The following FHL2 variants were observed in gnomAD, a reference collection of about 807,000 sequenced individuals.
FHL2 encodes the protein four and a half LIM domains protein 2.
In FHL2, 20 loss-of-function variants were observed where a neutral mutation model predicts 32.7. That is an observed-to-expected ratio of 0.61 (90% CI 0.43 to 0.89). The LOEUF is 0.89. Ranked by LOEUF, FHL2 falls within the 40% of genes least tolerant of loss-of-function variation. The pLI is 0.00. For missense variants in FHL2, 311 were observed against 358.6 expected (o/e 0.87, Z 1.07); for synonymous variants, 123 against 128.1 (o/e 0.96, Z 0.27).
chr2:105,437,066 T>C (rs982515045), intron 1 of FHL2, among the ~76,000 whole-genome samples: 1 of 152,136 alleles, frequency 6.6e-6, no homozygotes, highest in African/African-American at 2.4e-5. Flanking sequence ...AAGCCCTGAA[T>C]AGAACAATGA....
Position 105,367,610 on chromosome 2 carries a change from T to A in FHL2, c.461A>T (p.Tyr154Phe). ...KDNQNFCVPC[Y>F]EKQHAMQCVQ... is the part of the protein sequence containing the mutation. ...GCACTGCATGGCATGTTGTTTCTCA[T>A]AGCAGGGCACACAGAAATTCTGATT... is the stretch of plus-strand genomic sequence containing the variant. The change falls in exon 5 of 7, where the codon TAT becomes TTT. Residue 154 changes from tyrosine to phenylalanine, a missense_variant. By Grantham distance (22) the Tyr-to-Phe change is conservative. Transcript: ENST00000530340. 1 of 1,614,210 alleles carries A rather than the reference T, an allele frequency of 6.2e-7. No individual in the cohort carries two copies. The highest frequency in any genetic ancestry group is 8.5e-7 in the Non-Finnish European group (1 of 1,180,000).
Position 105,410,439 on chromosome 2 carries a change from G to A in FHL2, c.-24-23899C>T, listed in dbSNP as rs148706935. On this transcript the variant is annotated intron_variant, in intron 1 of 5. Coordinates refer to the FHL2 transcript ENST00000393352. ...GAGGTGAGAGTTAAACTGAATGTGA[G>A]CCTGTGTCAGGGGCCATGACCCATT... 3.1e-3 allele frequency among the ~76,000 whole-genome samples: 468 copies of A among 152,258 alleles called. 3 individuals carry two copies. The highest frequency in any genetic ancestry group is 0.01 in the African/African-American group (436 of 41,540).
At chr2:105,374,452 T>C (rs1681321611) in intron 3 of FHL2, 1 of 152,870 alleles carries the variant, frequency 6.5e-6, no homozygotes. Context: ...AGAGATTCCA[T>C]TGATCCTGAA....
chr2:105,412,770 G>A (rs1310324014), intron 1 of FHL2, among the ~76,000 whole-genome samples: 1 of 152,200 alleles, frequency 6.6e-6, no homozygotes, highest in Non-Finnish European at 1.5e-5. Context: ...AGTGAAGCCA[G>A]TGACTGACAC....
At chr2:105,411,554 T>G (rs1046143503) in intron 1 of FHL2, among the ~76,000 whole-genome samples, 13 of 148,794 alleles carry the variant, frequency 8.7e-5, no homozygotes, top group African/African-American at 2.2e-4. Context: ...TTTTTTTTTT[T>G]TTTTTTTTTT....
At chr2:105,366,060 C>A (rs968536286) in intron 5 of FHL2, among the ~76,000 whole-genome samples, 3 of 150,686 alleles carry the variant, frequency 2.0e-5, no homozygotes, top group Non-Finnish European at 3.0e-5. Flanking sequence ...ACAAAAAAAA[C>A]CGGCTGGGCA....
At chr2:105,381,267 T>C (rs993675679) in intron 3 of FHL2, among the ~76,000 whole-genome samples, 2 of 152,074 alleles carry the variant, frequency 1.3e-5, no homozygotes, top group Admixed American at 6.6e-5. Flanking sequence ...TTCTTTCAAA[T>C]CCTTACAAAT....
Position 105,398,917 on chromosome 2 carries a change from G to A in FHL2, c.-151C>T, listed in dbSNP as rs2104635588. On this transcript the variant is annotated 5_prime_UTR_variant, in exon 1 of 7. Coordinates refer to ENST00000530340, the MANE Select transcript of FHL2 (RefSeq NM_001318895.3). The stretch of plus-strand genomic sequence containing the variant: ...ATTCGGCCCCCACTTCCGAGCCCTG[G>A]TGGCTAAGCCCCTCGGCCTCCCTCC... 6.5e-7 allele frequency: 1 copy of A among 1,539,884 alleles called. No individual in the cohort carries two copies. Among genetic ancestry groups the A allele is most frequent in the East Asian group, 2.7e-5 (1 of 37,448 alleles).
intron 1 of FHL2, among the ~76,000 whole-genome samples, chr2:105,432,780 T>G (rs1684477687): frequency 6.6e-6 from 1 of 152,198 alleles, no homozygotes; most frequent in Admixed American, 6.5e-5. Flanking sequence ...ATCTACTCCT[T>G]AAGCATACAT....
chr2:105,410,684 A>C (rs1573391498), intron 1 of FHL2, among the ~76,000 whole-genome samples: 1 of 152,150 alleles, frequency 6.6e-6, no homozygotes, highest in African/African-American at 2.4e-5. Context: ...TGGCACAGGC[A>C]AGCAGAGGGA....
At chr2:105,366,799 G>A (rs966409688) in intron 5 of FHL2, among the ~76,000 whole-genome samples, 4 of 152,164 alleles carry the variant, frequency 2.6e-5, no homozygotes, top group African/African-American at 9.7e-5. Flanking sequence ...AGGCTGGAGT[G>A]CAGTGGTGGG....
In FHL2 at chr2:105,386,381, G is replaced by T; in HGVS notation, c.136C>A (p.Pro46Thr). Residue 46 changes from proline to threonine, a missense_variant, in exon 3 of 7, where the codon CCC becomes ACC. Physicochemically the swap from Pro to Thr is conservative, Grantham distance 38. Coordinates refer to ENST00000530340, the MANE Select transcript of FHL2 (RefSeq NM_001318895.3). ...FANTCEECGK[P>T]IGCDCKDLSY... ...GGTACCTTGCAGTCACAGCCGATGG[G>T]CTTCCCACACTCCTCGCAGGTGTTG... The T allele has an allele frequency of 6.2e-7, 1 of 1,614,126 alleles. No homozygotes were observed. Among genetic ancestry groups the T allele is most frequent in the Non-Finnish European group, 8.5e-7 (1 of 1,180,028 alleles).
chr2:105,403,368 C>G (rs543981238), upstream of FHL2, among the ~76,000 whole-genome samples: 12 of 152,314 alleles, frequency 7.9e-5, no homozygotes, highest in African/African-American at 2.6e-4. Context: ...AAAGGATCAA[C>G]GGTGACTGTG....
rs1573276427 is a variant in FHL2, at chr2:105,363,921, T to G, written c.502-450A>C. On this transcript the variant is annotated intron_variant, in intron 5 of 6. Coordinates refer to ENST00000530340, the MANE Select transcript of FHL2 (RefSeq NM_001318895.3). Reference sequence around the variant, plus strand: ...CACTTCAGTTTTCTCATCCAGGAAGTGAGGGTGATGAGGTTAATTGGGCAA... The same window carrying G: ...CACTTCAGTTTTCTCATCCAGGAAGGGAGGGTGATGAGGTTAATTGGGCAA... Among the ~76,000 whole-genome samples the G allele has an allele frequency of 2.0e-5, 3 of 152,196 alleles. No individual in the cohort carries two copies. The South Asian group carries it at 6.2e-4, about 32-fold the overall frequency.
intron 1 of FHL2, 75 bp from the exon 2 acceptor site, chr2:105,396,772 G>T: frequency 8.0e-7 from 1 of 1,242,684 alleles, no homozygotes; most frequent in Non-Finnish European, 1.2e-6. Flanking sequence ...AACTTGAGAT[G>T]GACACTTAAT....
intron 4 of FHL2, among the ~76,000 whole-genome samples, chr2:105,371,731 T>G (rs947234339): frequency 1.3e-5 from 2 of 152,182 alleles, no homozygotes; most frequent in African/African-American, 4.8e-5. Flanking sequence ...TTAAAGTCTT[T>G]AAACAGCCCC....
At chr2:105,362,989 A>G (rs903405331) in intron 6 of FHL2, 1 of 347,278 alleles carries the variant, frequency 2.9e-6, no homozygotes, top group Non-Finnish European at 5.3e-6. Flanking sequence ...TGCTTTTGTG[A>G]TGTCACAGGC....
chr2:105,415,426 T>C (rs1270042716), intron 1 of FHL2, among the ~76,000 whole-genome samples: 2 of 152,252 alleles, frequency 1.3e-5, no homozygotes, highest in Non-Finnish European at 2.9e-5. Flanking sequence ...TCTCTTTTTG[T>C]TGCTTCTGAA....
chr2:105,411,386 T>G (rs1021539430), intron 1 of FHL2, among the ~76,000 whole-genome samples: 2 of 152,112 alleles, frequency 1.3e-5, no homozygotes, highest in Non-Finnish European at 2.9e-5. Context: ...TAAAAAAAAG[T>G]ATAATGTACA....
Sources: allele counts gnomAD v4.1 joint callset (sites outside exome capture counted in the v4.1 genomes callset), GRCh38; gene constraint gnomAD v4.1.1; transcripts MANE v1.5; gene names NCBI Gene and HGNC (gene_info 2026-07-23, HGNC 2026-07-21).